The following SUN1 variants were observed in gnomAD, a reference collection of about 807,000 sequenced individuals.
SUN1 encodes SUN domain-containing protein 1.
A neutral mutation model predicts 103.2 loss-of-function variants in SUN1; 61 were observed. The observed-to-expected ratio is 0.59, with a 90% CI of 0.48 to 0.73. The LOEUF is 0.73. Ranked by LOEUF, SUN1 falls within the 30% of genes least tolerant of loss-of-function variation. The probability of loss-of-function intolerance (pLI) is 0.00; values close to 1 mark genes in which losing one functional copy is unlikely to be tolerated. For missense variants in SUN1, 1,052 were observed against 1,034.6 expected, an observed-to-expected ratio of 1.02 and a Z score of -0.23; for synonymous variants, 490 against 425.7, an observed-to-expected ratio of 1.15 and a Z score of -1.86.
At chr7:853,252 A>C in intron 9 of SUN1, 157 bp from the exon 10 acceptor site, 1 of 875,586 alleles carries the variant, frequency 1.1e-6, no homozygotes, top group Non-Finnish European at 1.7e-6. Context: ...CCATGTAAGG[A>C]TCAAACCTGA....
intron 17 of SUN1, among the ~76,000 whole-genome samples, chr7:870,588 AAAAGG>A (rs1401295593): frequency 6.6e-6 from 1 of 152,182 alleles, no homozygotes; most frequent in East Asian, 1.9e-4. Context: ...TCTGTCTCAA[AAAAGG>A]AAAGGAAAAA....
At chr7:822,861 C>A (rs1787595703) in intron 1 of SUN1, among the ~76,000 whole-genome samples, 1 of 152,254 alleles carries the variant, frequency 6.6e-6, no homozygotes, top group African/African-American at 2.4e-5. Context: ...GCGCAGCACA[C>A]ACAGCCCTGT....
intron 1 of SUN1, among the ~76,000 whole-genome samples, chr7:819,044 G>A (rs149676295): frequency 0.023 from 3,499 of 152,054 alleles, 156 homozygotes; most frequent in East Asian, 0.19. Flanking sequence ...TGTATTTTTA[G>A]TAGAGATGGG....
intron 18 of SUN1, 51 bp downstream of exon 18, chr7:872,613 C>A: frequency 6.9e-7 from 1 of 1,453,266 alleles, no homozygotes; most frequent in Non-Finnish European, 9.5e-7. Flanking sequence ...CACAACTTCT[C>A]GTGACAGCAG....
At chr7:858,215 C>T (rs1448239931) in intron 13 of SUN1, among the ~76,000 whole-genome samples, 4 of 152,002 alleles carry the variant, frequency 2.6e-5, no homozygotes, top group Non-Finnish European at 2.9e-5. Flanking sequence ...CCACTATGCC[C>T]GGCTAATTTT....
upstream of SUN1, among the ~76,000 whole-genome samples, chr7:830,425 C>T (rs1438836068): frequency 6.6e-6 from 1 of 152,154 alleles, no homozygotes; most frequent in Non-Finnish European, 1.5e-5. Context: ...CCTGTTACCT[C>T]GTTTCAAAGT....
intron 15 of SUN1, among the ~76,000 whole-genome samples, chr7:864,645 G>C (rs1585177174): frequency 7.2e-6 from 1 of 139,858 alleles, no homozygotes; most frequent in African/African-American, 2.6e-5. Flanking sequence ...ATTTTTCGTA[G>C]AGACAAAGAG....
chr7:861,592 G>T (rs778002847), intron 15 of SUN1, 128 bp downstream of exon 15: 71 of 894,538 alleles, frequency 7.9e-5, no homozygotes, highest in Non-Finnish European at 1.2e-4. Context: ...TCTGAGAAAG[G>T]GAGCATGATT....
At chr7:818,975 T>C (rs1296786181) in intron 1 of SUN1, among the ~76,000 whole-genome samples, 1 of 151,500 alleles carries the variant, frequency 6.6e-6, no homozygotes, top group Non-Finnish European at 1.5e-5. Flanking sequence ...GCGATTCTCC[T>C]GCCTCAGCCT....
intron 1 of SUN1, among the ~76,000 whole-genome samples, chr7:821,835 G>A (rs766938351): frequency 3.9e-5 from 6 of 152,186 alleles, no homozygotes; most frequent in African/African-American, 7.2e-5. Flanking sequence ...CCCACATCGG[G>A]GTTCATCAGG....
At chr7:825,452 G>A (rs75523003) in intron 1 of SUN1, among the ~76,000 whole-genome samples, 23,800 of 152,178 alleles carry the variant, frequency 0.16, 1,992 homozygotes, top group South Asian at 0.24. Context: ...ACAAGTAGAA[G>A]TTCCATCCGC....
intron 1 of SUN1, chr7:817,156 C>T (rs536641879): frequency 8.5e-6 from 4 of 470,470 alleles, no homozygotes; most frequent in East Asian, 4.3e-5. Context: ...GGGGGGGTCT[C>T]GCTGTGTTTC....
chr7:858,608 T>C (rs1829675659), intron 13 of SUN1, among the ~76,000 whole-genome samples: 2 of 152,206 alleles, frequency 1.3e-5, no homozygotes, highest in Non-Finnish European at 2.9e-5. Flanking sequence ...AGACCCACGC[T>C]GTACCTGCTG....
intron 1 of SUN1, among the ~76,000 whole-genome samples, chr7:837,878 C>T (rs1804987684): frequency 1.3e-5 from 2 of 152,226 alleles, no homozygotes; most frequent in South Asian, 4.1e-4. Context: ...AAATATTCTG[C>T]TAGAAACAAA....
Position 827,096 on chromosome 7 carries a change from A to G in SUN1, c.-74+10423A>G, listed in dbSNP as rs182327497. Among the ~76,000 whole-genome samples the G allele has an allele frequency of 1.6e-3, 242 of 152,154 alleles. 2 individuals carry two copies. Among genetic ancestry groups the G allele is most frequent in the African/African-American group, 5.3e-3 (219 of 41,510 alleles). ...GGAGTGCAGCGGCAGATCTCAGCTC[A>G]CTGCAACCTCTGCCTCCCGGGTTCA... On this transcript the variant is annotated intron_variant, in intron 1 of 17. Transcript: ENST00000389574.
Position 853,590 on chromosome 7 carries a change from G to A in SUN1, c.1235G>A (p.Arg412Lys). The A allele has an allele frequency of 6.2e-7, 1 of 1,606,222 alleles. No individual in the cohort carries two copies. The highest frequency in any genetic ancestry group is 8.5e-7 in the Non-Finnish European group (1 of 1,179,892). ...GGAAGPSASV[R>K]DAVGQPPRET... is the part of the protein sequence containing the mutation. ...GCTGCCGGGCCGTCAGCTTCGGTCA[G>A]AGACGCTGTGGGACAGCCCCCGAGG... is the stretch of plus-strand genomic sequence containing the variant. Residue 412 changes from arginine to lysine, a missense_variant, in exon 10 of 19, where the codon AGA becomes AAA. This residue lies in a region of SUN1 where 846 missense variants were observed against 774.5 expected (regional missense o/e 1.09). Transcript: ENST00000401592.
intron 14 of SUN1, 55 bp downstream of exon 14, chr7:860,437 TG>T: frequency 6.3e-7 from 1 of 1,591,614 alleles, no homozygotes; most frequent in Non-Finnish European, 8.6e-7. Context: ...GTGCTGAGAC[TG>T]AAGACCTAGC....
rs148196061 is a variant in SUN1, at chr7:866,185, G to C, written c.1980+118G>C. On this transcript the variant is annotated intron_variant, in intron 16 of 18. Coordinates refer to ENST00000401592, the MANE Select transcript of SUN1 (RefSeq NM_001130965.3). ...TAAGATGAACACGTCTGTGGAACTG[G>C]TACCACAAGAAGTGGCAGCGTTCCC... The C allele has an allele frequency of 0.021, 17,528 of 852,148 alleles. 253 individuals are homozygous for C. Among genetic ancestry groups the C allele is most frequent in the Non-Finnish European group, 0.022 (11,901 of 533,180 alleles). 52.8% of individuals were successfully genotyped at this position (852,148 alleles called of 1,614,324 possible). A position where few individuals can be genotyped will look rare whatever the true frequency, so the allele number is the denominator to read the frequency against.
In SUN1 at chr7:873,392, A is replaced by T. The variant is rs1444699826; in HGVS notation, c.*61A>T. 2.8e-6 allele frequency: 4 copies of T among 1,430,014 alleles called. No homozygotes were observed. The highest frequency in any genetic ancestry group is 3.9e-6 in the Non-Finnish European group (4 of 1,014,834). 88.6% of individuals were successfully genotyped at this position (1,430,014 alleles called of 1,614,324 possible). A position where few individuals can be genotyped will look rare whatever the true frequency, so the allele number is the denominator to read the frequency against. ...TACTGGGACAGCGTGAAACACTGGA[A>T]TCCTTCATGGACGAGGGCATATACA... On this transcript the variant is annotated 3_prime_UTR_variant, in exon 19 of 19. Coordinates refer to ENST00000401592, the MANE Select transcript of SUN1 (RefSeq NM_001130965.3).
Sources: allele counts gnomAD v4.1 joint callset (sites outside exome capture counted in the v4.1 genomes callset), GRCh38; gene constraint gnomAD v4.1.1; regional missense constraint gnomAD v4.1.1; transcripts MANE v1.5; gene names NCBI Gene and HGNC (gene_info 2026-07-23, HGNC 2026-07-21).